Variants in DAGLA observed in about 807,000 individuals in gnomAD.
DAGLA encodes diacylglycerol lipase alpha.
Under a neutral mutation model 102.6 loss-of-function variants are expected in DAGLA, and 22 were observed. The ratio of observed to expected loss-of-function variants is 0.21; its 90% CI spans 0.15 to 0.31. The LOEUF (loss-of-function observed/expected upper bound fraction) is 0.31. Among genes scored for constraint, DAGLA ranks in the 10% least tolerant of loss-of-function variants. The pLI, the probability that DAGLA is intolerant of heterozygous loss-of-function variation, is 1.00. For synonymous variants in DAGLA, 578 were observed against 628.9 expected, an observed-to-expected ratio of 0.92 and a Z score of 1.21; for missense variants, 927 against 1,446.6, an observed-to-expected ratio of 0.64 and a Z score of 5.83.
At chr11:61,699,431 AC>A (rs2065091501) in intron 1 of DAGLA, among the ~76,000 whole-genome samples, 2 of 151,768 alleles carry the variant, frequency 1.3e-5, no homozygotes, top group South Asian at 4.2e-4. Flanking sequence ...TAAGCTGAGC[AC>A]CCACATATCC....
At chr11:61,719,770 G>A (rs1163198710) in intron 1 of DAGLA, among the ~76,000 whole-genome samples, 1 of 152,196 alleles carries the variant, frequency 6.6e-6, no homozygotes, top group Non-Finnish European at 1.5e-5. Context: ...TTTGAGGGCT[G>A]GGCTGAGGGT....
chr11:61,684,838 T>C lies in DAGLA; in HGVS notation c.-45+4334T>C, dbSNP rs965572604. Among the ~76,000 whole-genome samples, 30 of 152,006 alleles carry C rather than the reference T, an allele frequency of 2.0e-4. No homozygotes were observed. The highest frequency in any genetic ancestry group is 7.2e-4 in the African/African-American group (30 of 41,380). ...TGTGCGGAGCTGGGGGTTGCCGGGC[T>C]CTTCACAGCAGGAGGGAACAGTGGG... On this transcript the variant is annotated intron_variant, in intron 1 of 19. Transcript: ENST00000257215. This position sits in a 1 kb window ranked among gnomAD's most constrained non-coding sequence, Gnocchi z 4.5.
At chr11:61,696,803 C>T (rs198454) in intron 1 of DAGLA, among the ~76,000 whole-genome samples, 1 of 151,970 alleles carries the variant, frequency 6.6e-6, no homozygotes, top group Non-Finnish European at 1.5e-5. Context: ...TTGCAATTAC[C>T]GTGTGTAGGG....
At chr11:61,700,363 C>G (rs1028551093) in intron 1 of DAGLA, among the ~76,000 whole-genome samples, 2 of 147,196 alleles carry the variant, frequency 1.4e-5, no homozygotes, top group Non-Finnish European at 2.9e-5. Flanking sequence ...AGTCCCTGCC[C>G]TGACCTTCTC....
chr11:61,724,164 G>C (rs905855393), intron 5 of DAGLA, among the ~76,000 whole-genome samples: 2 of 152,182 alleles, frequency 1.3e-5, no homozygotes, highest in African/African-American at 4.8e-5. Flanking sequence ...CTTCCTAGAG[G>C]GGGTGAGTTT....
chr11:61,692,607 C>T (rs537893317), intron 1 of DAGLA, among the ~76,000 whole-genome samples: 1 of 152,082 alleles, frequency 6.6e-6, no homozygotes, highest in African/African-American at 2.4e-5. Flanking sequence ...TAAACCTTTG[C>T]ATCTGCCAGG....
chr11:61,737,654 T>G, intron 14 of DAGLA, 33 bp from the exon 15 acceptor site: 2 of 1,603,376 alleles, frequency 1.2e-6, no homozygotes, highest in East Asian at 4.5e-5. Context: ...CCCGCCCCCT[T>G]GGCCTTAGCT....
At chr11:61,704,842 C>T (rs1312740774) in intron 1 of DAGLA, among the ~76,000 whole-genome samples, 3 of 152,132 alleles carry the variant, frequency 2.0e-5, no homozygotes, top group Non-Finnish European at 4.4e-5. Flanking sequence ...TATTCATGGT[C>T]GGGCCCGGAT....
chr11:61,697,540 T>C (rs2065076822), intron 1 of DAGLA, among the ~76,000 whole-genome samples: 1 of 152,098 alleles, frequency 6.6e-6, no homozygotes, highest in Non-Finnish European at 1.5e-5. Flanking sequence ...CAGGTTCTGC[T>C]CCCAGCCTGC....
At chr11:61,726,602 C>T (rs1469195477) in intron 6 of DAGLA, among the ~76,000 whole-genome samples, 1 of 152,178 alleles carries the variant, frequency 6.6e-6, no homozygotes, top group Non-Finnish European at 1.5e-5. Flanking sequence ...GAGGCAGGCC[C>T]CGGGATCATC....
rs1794492842 is a variant in DAGLA, at chr11:61,682,697, G to C, written c.-45+2193G>C. Among the ~76,000 whole-genome samples the C allele has an allele frequency of 2.0e-5, 3 of 152,162 alleles. No individual in the cohort carries two copies. The South Asian group carries it at 6.2e-4, about 32-fold the overall frequency. On this transcript the variant is annotated intron_variant, in intron 1 of 19. Transcript: ENST00000257215. ...GTGTTTTCTCTGGAGAATTTCCTTT[G>C]GCTCTGGGTTCTGAGAACGGGGGTG...
intron 3 of DAGLA, 44 bp downstream of exon 3, chr11:61,720,934 C>G: frequency 1.3e-6 from 2 of 1,562,008 alleles, no homozygotes; most frequent in Non-Finnish European, 8.8e-7. Flanking sequence ...ACAACTCCCA[C>G]CTCTCCATTC....
At chr11:61,685,319 C>T (rs771376695) in intron 1 of DAGLA, among the ~76,000 whole-genome samples, 8 of 152,194 alleles carry the variant, frequency 5.3e-5, no homozygotes, top group African/African-American at 1.2e-4. Flanking sequence ...TTTGCTCTTG[C>T]GGCCGGAATC....
intron 1 of DAGLA, among the ~76,000 whole-genome samples, chr11:61,690,830 G>A (rs900088486): frequency 3.3e-5 from 5 of 152,146 alleles, no homozygotes; most frequent in Non-Finnish European, 5.9e-5. Flanking sequence ...CTCTTGCTGC[G>A]AAGGCCAGGC....
rs1277860296 is a variant in DAGLA, at chr11:61,686,594, G to A, written c.-45+6090G>A. 6.6e-6 allele frequency among the ~76,000 whole-genome samples: 1 copy of A among 152,188 alleles called. No individual in the cohort carries two copies. Among genetic ancestry groups the A allele is most frequent in the Non-Finnish European group, 1.5e-5 (1 of 68,032 alleles). Reference sequence around the variant, plus strand: ...ACAGGGCTTGCCCTCACCTGTGTTTGGGGGCTGCTCCTGCAAACCAGTCCT... The same window carrying A: ...ACAGGGCTTGCCCTCACCTGTGTTTAGGGGCTGCTCCTGCAAACCAGTCCT... On this transcript the variant is annotated intron_variant, in intron 1 of 19. Coordinates refer to ENST00000257215, the MANE Select transcript of DAGLA (RefSeq NM_006133.3). The surrounding 1 kb of genome is among the most constrained non-coding windows in gnomAD (Gnocchi z 5.2).
intron 9 of DAGLA, among the ~76,000 whole-genome samples, 192 bp downstream of exon 9, chr11:61,731,633 T>C (rs1351461341): frequency 6.6e-6 from 1 of 152,234 alleles, no homozygotes. Context: ...CACACAGTTA[T>C]GGGTTCGAAT....
In DAGLA at chr11:61,746,911, A is replaced by T. The variant is rs1223006503; in HGVS notation, c.*2422A>T. ...ACTAATATTGCTGTAAAAAGGAGAG[A>T]CAAATTAATATAGCTTATTCTATAA... On this transcript the variant is annotated 3_prime_UTR_variant, in exon 20 of 20. Transcript: ENST00000257215. 6.6e-6 allele frequency: 1 copy of T among 152,588 alleles called. No homozygotes were observed. Among genetic ancestry groups the T allele is most frequent in the East Asian group, 1.9e-4 (1 of 5,334 alleles). 9.5% of individuals were successfully genotyped at this position (152,588 alleles called of 1,614,324 possible).
intron 8 of DAGLA, among the ~76,000 whole-genome samples, chr11:61,730,799 T>C (rs2065367121): frequency 1.3e-5 from 2 of 152,162 alleles, no homozygotes; most frequent in Admixed American, 1.3e-4. Context: ...AGGCTCCCAA[T>C]ATTTGCAGTC....
intron 10 of DAGLA, 148 bp from the exon 11 acceptor site, chr11:61,735,413 C>G (rs2065414589): frequency 2.9e-6 from 2 of 697,066 alleles, no homozygotes; most frequent in Non-Finnish European, 2.4e-6. Context: ...CCCCAGTGAC[C>G]CTGGGAGCCC....
Sources: gnomAD v4.1 joint callset for allele counts (sites outside exome capture counted in the v4.1 genomes callset) on GRCh38, gnomAD v4.1.1 for gene constraint, Gnocchi (gnomAD v3.1) non-coding constraint, MANE v1.5 for transcripts, NCBI Gene and HGNC (gene_info 2026-07-23, HGNC 2026-07-21) for gene names.